Variants in TMC1 observed in about 807,000 individuals in gnomAD.
TMC1 encodes the protein transmembrane channel like 1, also known as transmembrane channel-like protein 1.
Under a neutral mutation model 105.8 loss-of-function variants are expected in TMC1, and 84 were observed. That is an observed-to-expected ratio of 0.79 (90% confidence interval 0.67 to 0.95). The LOEUF (loss-of-function observed/expected upper bound fraction) is 0.95. Among genes scored for constraint, TMC1 ranks in the 40% least tolerant of loss-of-function variants. The probability of loss-of-function intolerance (pLI) is 0.00; values close to 1 mark genes in which losing one functional copy is unlikely to be tolerated. For synonymous variants in TMC1, 315 were observed against 311.5 expected, an observed-to-expected ratio of 1.01 and a Z score of -0.12; for missense variants, 817 against 914.1, an observed-to-expected ratio of 0.89 and a Z score of 1.37.
intron 2 of TMC1, among the ~76,000 whole-genome samples, chr9:72,589,854 A>G (rs1824607530): frequency 6.6e-6 from 1 of 152,236 alleles, no homozygotes; most frequent in Non-Finnish European, 1.5e-5. Flanking sequence ...TCAGAGACAA[A>G]GTGACCTCAG....
chr9:72,727,382 T>A (rs1474178399), intron 8 of TMC1, among the ~76,000 whole-genome samples: 3 of 151,998 alleles, frequency 2.0e-5, no homozygotes, highest in Non-Finnish European at 2.9e-5. Context: ...ACTTAACACA[T>A]TAAGAACATA....
chr9:72,576,073 A>AAGATGGCACCATTTGAGG, intron 1 of TMC1, among the ~76,000 whole-genome samples: 1 of 152,208 alleles, frequency 6.6e-6, no homozygotes, highest in East Asian at 1.9e-4. Flanking sequence ...TGTGCCTGAA[A>AAGATGGCACCATTTGAGG]AGATGGCACC....
At position 72,700,596 on chromosome 9, in the gene TMC1, T is replaced by G; in HGVS notation, c.315T>G (p.Thr105=). 6.2e-7 allele frequency: 1 copy of G among 1,608,650 alleles called. No homozygotes were observed. Among genetic ancestry groups the G allele is most frequent in the Non-Finnish European group, 8.5e-7 (1 of 1,176,704 alleles). ...ELDEKRQIIA[T]VKCKPWKMEK... ...ATGAGAAAAGACAAATAATTGCTACTGTCAAATGCAAACCATGGAAGATGG... is the reference window on the plus strand; with the variant it reads ...ATGAGAAAAGACAAATAATTGCTACGGTCAAATGCAAACCATGGAAGATGG... Residue 105 remains threonine, a synonymous_variant, in exon 8 of 24, where the codon ACT becomes ACG. Transcript: ENST00000297784.
intron 8 of TMC1, among the ~76,000 whole-genome samples, chr9:72,717,136 G>A (rs1402777699): frequency 6.6e-6 from 1 of 152,194 alleles, no homozygotes; most frequent in Non-Finnish European, 1.5e-5. Flanking sequence ...ACCTCAGTTG[G>A]AAATGCAGAA....
chr9:72,725,351 ATATATATATATATATATG>A (rs1322936014), intron 8 of TMC1, among the ~76,000 whole-genome samples: 1,809 of 86,292 alleles, frequency 0.021, 39 homozygotes, highest in South Asian at 0.055. Context: ...ATATATATAT[ATATATATATATATATATG>A]TATATACACA....
intron 21 of TMC1, among the ~76,000 whole-genome samples, chr9:72,828,056 G>A (rs1362723405): frequency 6.6e-6 from 1 of 152,126 alleles, no homozygotes; most frequent in African/African-American, 2.4e-5. Flanking sequence ...AGAGTAAAAT[G>A]GTCATAGAAG....
chr9:72,577,052 A>AT (rs960622699), intron 1 of TMC1, among the ~76,000 whole-genome samples: 21 of 150,378 alleles, frequency 1.4e-4, no homozygotes, highest in Non-Finnish European at 1.9e-4. Flanking sequence ...AATGTTTGCT[A>AT]TTTTTTTTTA....
intron 1 of TMC1, among the ~76,000 whole-genome samples, chr9:72,523,728 G>A (rs564378779): frequency 6.6e-6 from 1 of 152,086 alleles, no homozygotes; most frequent in African/African-American, 2.4e-5. Context: ...AGGCACACTC[G>A]GGGTAGCTTT....
intron 1 of TMC1, among the ~76,000 whole-genome samples, chr9:72,532,541 C>CAAAAAAAAAAAAAA (rs59010604): frequency 4.0e-5 from 3 of 75,528 alleles, no homozygotes; most frequent in Non-Finnish European, 5.2e-5. Context: ...GACTCCGTCT[C>CAAAAAAAAAAAAAA]AAAAAAAAAA....
At chr9:72,817,720 G>A (rs1033684460) in intron 19 of TMC1, among the ~76,000 whole-genome samples, 5 of 152,084 alleles carry the variant, frequency 3.3e-5, no homozygotes, top group Non-Finnish European at 7.4e-5. Flanking sequence ...TGTCCTGCTT[G>A]GTTTCACTAC....
chr9:72,736,377 C>G (rs1006318586), intron 8 of TMC1, among the ~76,000 whole-genome samples: 3 of 152,094 alleles, frequency 2.0e-5, no homozygotes, highest in African/African-American at 4.8e-5. Flanking sequence ...GCTTCCTTCT[C>G]TGTTTCTTAA....
intron 3 of TMC1, among the ~76,000 whole-genome samples, chr9:72,621,594 A>C (rs1322757366): frequency 1.3e-5 from 2 of 152,232 alleles, no homozygotes; most frequent in Non-Finnish European, 2.9e-5. Flanking sequence ...AGCCACTTTA[A>C]TAAGCAAACT....
chr9:72,738,469 A>G (rs7388977), intron 8 of TMC1, among the ~76,000 whole-genome samples: 69,888 of 151,816 alleles, frequency 0.46, 17,951 homozygotes, highest in African/African-American at 0.7. Context: ...CCAGGCTAGA[A>G]TGCAGTGGCA....
intron 2 of TMC1, 189 bp from the exon 3 acceptor site, chr9:72,616,177 CTG>C (rs1416751840): frequency 6.6e-6 from 1 of 152,192 alleles, no homozygotes; most frequent in Non-Finnish European, 1.5e-5. Flanking sequence ...GAAATTATAA[CTG>C]TAAAGGCCCT....
chr9:72,625,712 A>C (rs989010537), intron 3 of TMC1, among the ~76,000 whole-genome samples: 2 of 151,894 alleles, frequency 1.3e-5, no homozygotes, highest in Non-Finnish European at 2.9e-5. Context: ...GAAAAAAAAA[A>C]AGGAATCAGG....
At chr9:72,633,573 C>T (rs1246883409) in intron 4 of TMC1, among the ~76,000 whole-genome samples, 1 of 152,124 alleles carries the variant, frequency 6.6e-6, no homozygotes. Flanking sequence ...TTTTCTTATT[C>T]TGTAAAATGA....
Position 72,740,130 on chromosome 9 carries a change from A to C in TMC1, c.374A>C (p.Lys125Thr). 1 of 1,613,586 alleles carries C rather than the reference A, an allele frequency of 6.2e-7. No homozygotes were observed. Among genetic ancestry groups the C allele is most frequent in the Non-Finnish European group, 8.5e-7 (1 of 1,179,680 alleles). Reference protein sequence around the residue: ...KKIEVLKEAKKFVSENEGALG... With the variant: ...KKIEVLKEAKTFVSENEGALG... ...TTTTATTTTCTCAGGGAGGCAAAAA[A>C]ATTTGTGAGTGAAAATGAAGGGGCT... Residue 125 changes from lysine to threonine, a missense_variant, in exon 9 of 24, where the codon AAA (lysine) becomes ACA (threonine). Coordinates refer to ENST00000297784, the MANE Select transcript of TMC1 (RefSeq NM_138691.3).
At chr9:72,635,566 A>G (rs879892913) in intron 4 of TMC1, among the ~76,000 whole-genome samples, 21 of 152,246 alleles carry the variant, frequency 1.4e-4, no homozygotes, top group Admixed American at 2.6e-4. Flanking sequence ...ATATCTTATT[A>G]TAAATCACAC....
chr9:72,754,274 G>A (rs373064827), intron 11 of TMC1, among the ~76,000 whole-genome samples: 3 of 152,134 alleles, frequency 2.0e-5, no homozygotes, highest in East Asian at 1.9e-4. Context: ...TAGTGATGAA[G>A]CAGACACCAT....
Sources: allele counts gnomAD v4.1 joint callset (sites outside exome capture counted in the v4.1 genomes callset), GRCh38; gene constraint gnomAD v4.1.1; transcripts MANE v1.5; gene names NCBI Gene and HGNC (gene_info 2026-07-23, HGNC 2026-07-21).